NAV2: variants seen among roughly 807,000 people sequenced by gnomAD.
The protein encoded by NAV2 is neuron navigator 2.
A neutral mutation model predicts 223.2 loss-of-function variants in NAV2; 54 were observed. The ratio of observed to expected loss-of-function variants is 0.24; its 90% CI spans 0.19 to 0.30. The LOEUF is 0.30. Ranked by LOEUF, NAV2 falls within the 10% of genes least tolerant of loss-of-function variation. NAV2 has a pLI of 1.00. For synonymous variants in NAV2, 1,279 were observed against 1,239.3 expected (o/e 1.03, Z -0.67); for missense variants, 2,806 against 3,147.5 (o/e 0.89, Z 2.60).
intron 1 of NAV2, among the ~76,000 whole-genome samples, chr11:19,754,275 CT>C (rs34329564): frequency 6.6e-6 from 1 of 152,156 alleles, no homozygotes; most frequent in African/African-American, 2.4e-5. Flanking sequence ...TTTAACTTTG[CT>C]TTTTATTAAT....
chr11:19,721,890 A>C (rs2050775390), intron 1 of NAV2, among the ~76,000 whole-genome samples: 1 of 152,238 alleles, frequency 6.6e-6, no homozygotes, highest in Non-Finnish European at 1.5e-5. Flanking sequence ...TAAGGTGAGA[A>C]CATCTGCAGA....
intron 1 of NAV2, among the ~76,000 whole-genome samples, chr11:19,726,270 G>T (rs1317474036): frequency 6.6e-6 from 1 of 152,146 alleles, no homozygotes; most frequent in Non-Finnish European, 1.5e-5. Flanking sequence ...AAAAGGAGGG[G>T]CTGAAATGGT....
Position 19,998,527 on chromosome 11 carries a change from G to A in NAV2, c.2768+14280G>A, listed in dbSNP as rs1263744210. 1.3e-5 allele frequency among the ~76,000 whole-genome samples: 2 copies of A among 152,100 alleles called. No individual in the cohort carries two copies. Among genetic ancestry groups the A allele is most frequent in the African/African-American group, 2.4e-5 (1 of 41,400 alleles). The stretch of plus-strand genomic sequence containing the variant: ...TCCATTGCACCTAGAATAAAGGTCA[G>A]ACTCCTTGCCGTGGCCTCCAAGGGG... On this transcript the variant is annotated intron_variant, in intron 11 of 37. Transcript: ENST00000349880. This position sits in a 1 kb window ranked among gnomAD's most constrained non-coding sequence, Gnocchi z 5.0.
chr11:19,819,560 C>A (rs1445423123), intron 1 of NAV2, among the ~76,000 whole-genome samples: 1 of 152,106 alleles, frequency 6.6e-6, no homozygotes, highest in East Asian at 1.9e-4. Context: ...GACCAGAGAA[C>A]CTGCCCATAG....
At chr11:20,086,709 T>C (rs964731667) in intron 26 of NAV2, among the ~76,000 whole-genome samples, 6 of 152,176 alleles carry the variant, frequency 3.9e-5, no homozygotes, top group African/African-American at 1.4e-4. Flanking sequence ...ATTTAGGAGA[T>C]ATTCTTGAAG....
chr11:19,663,854 A>G (rs1250969095), intron 1 of NAV2, among the ~76,000 whole-genome samples: 1 of 152,148 alleles, frequency 6.6e-6, no homozygotes, highest in African/African-American at 2.4e-5. Context: ...AAGAGTATGG[A>G]CTCATTTTCT....
intron 1 of NAV2, among the ~76,000 whole-genome samples, chr11:19,525,020 T>C (rs760711417): frequency 3.3e-4 from 51 of 152,364 alleles, no homozygotes; most frequent in Middle Eastern, 3.4e-3. Context: ...TCCTAGTTAT[T>C]ACCCTGTGAA....
At chr11:20,073,884 C>T (rs2059560068) in intron 22 of NAV2, among the ~76,000 whole-genome samples, 2 of 152,160 alleles carry the variant, frequency 1.3e-5, no homozygotes, top group Admixed American at 6.5e-5. Flanking sequence ...AAAAAACGAC[C>T]TCCTGGATTC....
chr11:19,612,702 C>T (rs148115692), intron 1 of NAV2, among the ~76,000 whole-genome samples: 8,323 of 152,282 alleles, frequency 0.055, 296 homozygotes, highest in Non-Finnish European at 0.082. Flanking sequence ...GTCCATATGG[C>T]TATCAGCATT....
At chr11:19,361,504 T>TG (rs996009524) in intron 1 of NAV2, among the ~76,000 whole-genome samples, 7 of 151,950 alleles carry the variant, frequency 4.6e-5, no homozygotes, top group African/African-American at 1.7e-4. Flanking sequence ...CTTTTGGGGA[T>TG]GGGGGGATCC....
intron 1 of NAV2, chr11:19,777,703 A>C (rs1455189547): frequency 5.0e-6 from 2 of 398,160 alleles, no homozygotes; most frequent in Non-Finnish European, 1.0e-5. Context: ...TTAAACCAGG[A>C]AAGTCGATGT....
chr11:19,791,886 T>A, intron 1 of NAV2, among the ~76,000 whole-genome samples: 1 of 152,108 alleles, frequency 6.6e-6, no homozygotes, highest in East Asian at 1.9e-4. Context: ...TAAGATGATT[T>A]TTAGAGGGGC....
rs768833820 is a variant in NAV2 at position 20,049,903 on chromosome 11, T to C, written c.4436+2T>C. 6.2e-7 allele frequency: 1 copy of C among 1,614,042 alleles called. No homozygotes were observed. The highest frequency in any genetic ancestry group is 1.1e-5 in the South Asian group (1 of 91,076). On this transcript the variant is annotated splice_donor_variant, in intron 16 of 37. Transcript: ENST00000349880. LOFTEE classifies it high-confidence loss of function. ...TACTCTGCCCAGGAAACAGGACAGG[T>C]AATGACATTGCAGGCCGGGGACCAA...
chr11:19,838,115 T>G (rs1372987), intron 2 of NAV2, among the ~76,000 whole-genome samples: 27,548 of 152,130 alleles, frequency 0.18, 2,697 homozygotes, highest in African/African-American at 0.23. Context: ...GTGACTTTTC[T>G]GTAAGTTTGA....
intron 1 of NAV2, among the ~76,000 whole-genome samples, chr11:19,775,360 C>G (rs2056078816): frequency 6.6e-6 from 1 of 152,128 alleles, no homozygotes; most frequent in South Asian, 2.1e-4. Context: ...TGTAGTCATT[C>G]AGTCTAAGTT....
intron 1 of NAV2, among the ~76,000 whole-genome samples, chr11:19,661,331 G>T (rs1168778593): frequency 6.6e-6 from 1 of 151,938 alleles, no homozygotes; most frequent in East Asian, 1.9e-4. Flanking sequence ...TACCACATTT[G>T]GTGTATCCAT....
chr11:19,491,930 G>C (rs1437445350), intron 1 of NAV2, among the ~76,000 whole-genome samples: 1 of 148,874 alleles, frequency 6.7e-6, no homozygotes, highest in Non-Finnish European at 1.5e-5. Flanking sequence ...TAGTATTGTT[G>C]TGTCTCAGGG....
At chr11:19,400,842 G>C (rs1849654677) in intron 1 of NAV2, among the ~76,000 whole-genome samples, 1 of 152,112 alleles carries the variant, frequency 6.6e-6, no homozygotes, top group Admixed American at 6.6e-5. Flanking sequence ...GGGTTAGTTG[G>C]ACCAGCCTGA....
intron 1 of NAV2, among the ~76,000 whole-genome samples, chr11:19,736,107 G>A (rs1485588599): frequency 6.6e-6 from 1 of 152,188 alleles, no homozygotes; most frequent in Non-Finnish European, 1.5e-5. Flanking sequence ...TTCAAAACAT[G>A]CTGTCCATTT....
Sources: gnomAD v4.1 joint callset for allele counts (sites outside exome capture counted in the v4.1 genomes callset) on GRCh38, gnomAD v4.1.1 for gene constraint, Gnocchi (gnomAD v3.1) non-coding constraint, MANE v1.5 for transcripts, NCBI Gene and HGNC (gene_info 2026-07-23, HGNC 2026-07-21) for gene names.